DCC: variants seen among roughly 807,000 people sequenced by gnomAD.
The protein encoded by DCC is netrin receptor DCC.
Under a neutral mutation model 172.5 loss-of-function variants are expected in DCC, and 58 were observed. The observed-to-expected ratio is 0.34, with a 90% CI of 0.27 to 0.42. The LOEUF (loss-of-function observed/expected upper bound fraction) is 0.42, where lower values mean the gene tolerates loss of function less well. Among genes scored for constraint, DCC ranks in the 10% least tolerant of loss-of-function variants. The pLI, the probability that DCC is intolerant of heterozygous loss-of-function variation, is 1.00. For missense variants in DCC, 1,740 were observed against 1,791.0 expected (o/e 0.97, Z 0.51); for synonymous variants, 709 against 644.5 (o/e 1.10, Z -1.52).
chr18:52,444,323 A>G (rs1308156948), intron 1 of DCC, among the ~76,000 whole-genome samples: 1 of 152,228 alleles, frequency 6.6e-6, no homozygotes, highest in Non-Finnish European at 1.5e-5. Flanking sequence ...TGAAAAAACT[A>G]CTAATCTTAT....
At chr18:53,195,388 G>C (rs1226456762) in intron 9 of DCC, among the ~76,000 whole-genome samples, 1 of 152,136 alleles carries the variant, frequency 6.6e-6, no homozygotes, top group Non-Finnish European at 1.5e-5. Flanking sequence ...TCATGAAAGA[G>C]ACTACATTTT....
In DCC at chr18:52,360,464, G is replaced by A. The variant is rs1245959006; in HGVS notation, c.91+19586G>A. On this transcript the variant is annotated intron_variant, in intron 1 of 28. Transcript: ENST00000442544. Reference sequence around the variant, plus strand: ...TAAGGGAATTTTGCACAGTTTTGATGTATTGTGTAAATTAGGCCAACAAAG... The same window carrying A: ...TAAGGGAATTTTGCACAGTTTTGATATATTGTGTAAATTAGGCCAACAAAG... Among the ~76,000 whole-genome samples the A allele has an allele frequency of 2.6e-5, 4 of 152,212 alleles. No individual in the cohort carries two copies. The South Asian group carries it at 6.2e-4, about 24-fold the overall frequency.
intron 1 of DCC, among the ~76,000 whole-genome samples, chr18:52,366,792 A>T (rs895726598): frequency 2.0e-5 from 3 of 152,236 alleles, no homozygotes; most frequent in Non-Finnish European, 2.9e-5. Context: ...TGAGCTAGAC[A>T]TAAAGACTCT....
chr18:53,201,355 T>G lies in DCC; in HGVS notation c.1574-3861T>G, dbSNP rs111504305. On this transcript the variant is annotated intron_variant, in intron 9 of 28. Coordinates refer to ENST00000442544, the MANE Select transcript of DCC (RefSeq NM_005215.4). ...AGCAAGAAGGAACACATTCAATGAG[T>G]ACTTTACTTATCAACTGGGCCACAT... Among the ~76,000 whole-genome samples, 1,004 of 152,236 alleles carry G rather than the reference T, an allele frequency of 6.6e-3. 8 individuals are homozygous for G. Among genetic ancestry groups the G allele is most frequent in the Non-Finnish European group, 0.011 (775 of 68,012 alleles).
At chr18:52,696,593 C>T (rs188842586) in intron 1 of DCC, among the ~76,000 whole-genome samples, 14 of 152,310 alleles carry the variant, frequency 9.2e-5, no homozygotes, top group Admixed American at 6.5e-4. Context: ...CTATATCTCT[C>T]TTGAGAGGAG....
At chr18:53,493,756 A>G (rs1178474018) in intron 26 of DCC, among the ~76,000 whole-genome samples, 2 of 151,518 alleles carry the variant, frequency 1.3e-5, no homozygotes, top group African/African-American at 4.9e-5. Flanking sequence ...TCCTGTCTCT[A>G]TCTCCTTCAG....
At chr18:53,042,036 A>T (rs1431793919) in intron 5 of DCC, among the ~76,000 whole-genome samples, 2 of 151,924 alleles carry the variant, frequency 1.3e-5, no homozygotes, top group African/African-American at 4.8e-5. Context: ...AACTTCCAAT[A>T]CTGTGTTGAA....
At chr18:53,033,321 T>G (rs2143967476) in intron 5 of DCC, among the ~76,000 whole-genome samples, 1 of 152,236 alleles carries the variant, frequency 6.6e-6, no homozygotes, top group South Asian at 2.1e-4. Flanking sequence ...ATTCCCAGCT[T>G]CAAGTGAGAC....
At chr18:52,398,557 C>G (rs748308596) in intron 1 of DCC, among the ~76,000 whole-genome samples, 1 of 151,944 alleles carries the variant, frequency 6.6e-6, no homozygotes, top group Non-Finnish European at 1.5e-5. Context: ...TCAACATCCA[C>G]TATGCATAGT....
intron 1 of DCC, among the ~76,000 whole-genome samples, chr18:52,521,523 C>A (rs979577855): frequency 2.6e-5 from 4 of 152,118 alleles, no homozygotes; most frequent in Non-Finnish European, 5.9e-5. Flanking sequence ...GCCTACATGG[C>A]CCCATCACCA....
chr18:53,422,526 A>G (rs1450539492), intron 21 of DCC, among the ~76,000 whole-genome samples: 1 of 152,188 alleles, frequency 6.6e-6, no homozygotes, highest in East Asian at 1.9e-4. Flanking sequence ...AGTTATACCT[A>G]AATGGCATCA....
At position 52,735,101 on chromosome 18, in the gene DCC, G is replaced by C. The variant is rs143114850; in HGVS notation, c.92-16953G>C. Among the ~76,000 whole-genome samples, 752 of 152,210 alleles carry C rather than the reference G, an allele frequency of 4.9e-3. 6 individuals carry two copies. The highest frequency in any genetic ancestry group is 0.014 in the South Asian group (68 of 4,812). On this transcript the variant is annotated intron_variant, in intron 1 of 28. Transcript: ENST00000442544. ...TTACTCTTTTAAAGATGATACAGAT[G>C]TTCTAATTTTGTATCCTTCTCCACC...
chr18:52,816,947 TAC>T (rs1266918331), intron 2 of DCC: 4 of 152,200 alleles, frequency 2.6e-5, no homozygotes, highest in African/African-American at 9.7e-5. Flanking sequence ...TTTTGCAAGG[TAC>T]AGTTTTCAAA....
At chr18:52,548,269 C>G (rs770737631) in intron 1 of DCC, among the ~76,000 whole-genome samples, 46 of 152,060 alleles carry the variant, frequency 3.0e-4, no homozygotes, top group Non-Finnish European at 4.7e-4. Context: ...GGCCAATATT[C>G]CAAATAAGTT....
At chr18:52,564,566 A>G (rs1228543280) in intron 1 of DCC, among the ~76,000 whole-genome samples, 1 of 151,778 alleles carries the variant, frequency 6.6e-6, no homozygotes, top group Non-Finnish European at 1.5e-5. Flanking sequence ...TTTAAGAATA[A>G]GTAACTTCAG....
chr18:52,785,216 CAAAG>C (rs1389907967), intron 2 of DCC, among the ~76,000 whole-genome samples: 1 of 152,064 alleles, frequency 6.6e-6, no homozygotes, highest in East Asian at 1.9e-4. Flanking sequence ...ACATGGCTGA[CAAAG>C]AGAAGGGAAG....
chr18:53,274,880 C>A (rs991449366), intron 12 of DCC, among the ~76,000 whole-genome samples: 2 of 152,082 alleles, frequency 1.3e-5, no homozygotes, highest in Admixed American at 1.3e-4. Flanking sequence ...CTGCATTTAA[C>A]AAGGTTCCCT....
At chr18:53,527,147 T>C (rs1454911951) in intron 28 of DCC, among the ~76,000 whole-genome samples, 7 of 149,088 alleles carry the variant, frequency 4.7e-5, no homozygotes, top group Non-Finnish European at 8.9e-5. Context: ...TTCTTTTCAA[T>C]AGGAAGAAAT....
chr18:52,792,805 A>T (rs1339171970), intron 2 of DCC, among the ~76,000 whole-genome samples: 2 of 52,938 alleles, frequency 3.8e-5, no homozygotes, highest in African/African-American at 1.6e-4. Flanking sequence ...ATTCCATTCC[A>T]GTTGATTCAA....
Sources: allele counts gnomAD v4.1 joint callset (sites outside exome capture counted in the v4.1 genomes callset), GRCh38; gene constraint gnomAD v4.1.1; transcripts MANE v1.5; gene names NCBI Gene and HGNC (gene_info 2026-07-23, HGNC 2026-07-21).